The following UGT1A10 variants were observed in gnomAD, a reference collection of about 807,000 sequenced individuals.
The protein encoded by UGT1A10 is UDP glucuronosyltransferase family 1 member A10.
UGT1A10 carries 49 observed loss-of-function variants against 45.8 expected under a neutral mutation model. That is an observed-to-expected ratio of 1.07 (90% CI 0.85 to 1.36). The LOEUF (loss-of-function observed/expected upper bound fraction) is 1.36, where lower values mean the gene tolerates loss of function less well. Ranked by LOEUF, UGT1A10 falls within the 40% of genes most tolerant of loss-of-function variation. The pLI is 0.00. For synonymous variants in UGT1A10, 284 were observed against 249.7 expected (o/e 1.14, Z -1.29); for missense variants, 745 against 668.6 (o/e 1.11, Z -1.26).
At chr2:233,729,373 T>C (rs1160959644) in intron 1 of UGT1A10, 16 of 1,613,988 alleles carry the variant, frequency 9.9e-6, no homozygotes, top group Non-Finnish European at 1.3e-5. Context: ...CTATGCCATT[T>C]CGTGGACCCA....
intron 1 of UGT1A10, among the ~76,000 whole-genome samples, chr2:233,758,412 A>C (rs1428441093): frequency 6.6e-6 from 1 of 152,106 alleles, no homozygotes; most frequent in Non-Finnish European, 1.5e-5. Context: ...TACTGTCTAT[A>C]ATCTGCAAAT....
In UGT1A10 at chr2:233,760,159, C is replaced by A. The variant is rs35071471; in HGVS notation, c.856-6875C>A. The A allele has an allele frequency of 1.9e-5, 29 of 1,504,618 alleles. No individual in the cohort carries two copies. In the East Asian group the frequency reaches 7.0e-4, roughly 36 times the overall value. 93.2% of individuals were successfully genotyped at this position (1,504,618 alleles called of 1,614,324 possible). A position where few individuals can be genotyped will look rare whatever the true frequency, so the allele number is the denominator to read the frequency against. On this transcript the variant is annotated intron_variant, in intron 1 of 4. Coordinates refer to ENST00000344644, the MANE Select transcript of UGT1A10 (RefSeq NM_019075.4). ...TCTCTGAAAGTGAACTCCCTGCTAC[C>A]TTTGTGGACTGACAGCTTTTTATAG...
chr2:233,697,860 A>G (rs1477304653), intron 1 of UGT1A10, among the ~76,000 whole-genome samples: 1 of 152,154 alleles, frequency 6.6e-6, no homozygotes, highest in Non-Finnish European at 1.5e-5. Context: ...AAAGTTATGC[A>G]TTTATTTAAT....
intron 1 of UGT1A10, among the ~76,000 whole-genome samples, chr2:233,737,486 G>A (rs929571204): frequency 1.3e-5 from 2 of 152,176 alleles, no homozygotes; most frequent in African/African-American, 4.8e-5. Context: ...TCTAGGAAAG[G>A]GAAATCCCTC....
At chr2:233,671,917 C>T in intron 1 of UGT1A10, 1 of 1,587,944 alleles carries the variant, frequency 6.3e-7, no homozygotes. Context: ...GCTGCTTGCT[C>T]TCAGCTGCAG....
At chr2:233,643,326 G>T (rs1473492839) in intron 1 of UGT1A10, among the ~76,000 whole-genome samples, 2 of 152,052 alleles carry the variant, frequency 1.3e-5, no homozygotes, top group South Asian at 4.2e-4. Context: ...TCACCTTGTA[G>T]CCACTGCCAC....
chr2:233,636,506 C>T lies in UGT1A10; in HGVS notation c.-17C>T, dbSNP rs761750698. On this transcript the variant is annotated 5_prime_UTR_variant, in exon 1 of 5. Coordinates refer to ENST00000344644, the MANE Select transcript of UGT1A10 (RefSeq NM_019075.4). ...CAGCTTAGAATCCCAGCTGCTGGCTCGGGCTGCAGTTCTCTCATGGCTCGC... is the reference window on the plus strand; with the variant it reads ...CAGCTTAGAATCCCAGCTGCTGGCTTGGGCTGCAGTTCTCTCATGGCTCGC... 3.8e-5 allele frequency: 61 copies of T among 1,602,554 alleles called. 1 individual carries two copies. The highest frequency in any genetic ancestry group is 4.5e-5 in the Non-Finnish European group (53 of 1,173,158).
chr2:233,762,317 G>A (rs1012731348), intron 1 of UGT1A10, among the ~76,000 whole-genome samples: 5 of 152,210 alleles, frequency 3.3e-5, no homozygotes, highest in African/African-American at 1.2e-4. Flanking sequence ...AATGGGTCGA[G>A]AGTAATCCAC....
In UGT1A10 at chr2:233,744,132, C is replaced by G. The variant is rs576185082; in HGVS notation, c.856-22902C>G. The G allele has an allele frequency of 6.1e-4, 215 of 354,750 alleles. 4 individuals are homozygous for G. The highest frequency in any genetic ancestry group is 4.3e-3 in the African/African-American group (200 of 46,340). 22.0% of individuals were successfully genotyped at this position (354,750 alleles called of 1,614,324 possible). A position where few individuals can be genotyped will look rare whatever the true frequency, so the allele number is the denominator to read the frequency against. On this transcript the variant is annotated intron_variant, in intron 1 of 4. Transcript: ENST00000344644. ...CTGCTCTCTGTGAGGCTCTGTGAGGCCCTGTGATGCTCCAAGACCAGGCCC... is the reference window on the plus strand; with the variant it reads ...CTGCTCTCTGTGAGGCTCTGTGAGGGCCTGTGATGCTCCAAGACCAGGCCC...
intron 1 of UGT1A10, among the ~76,000 whole-genome samples, chr2:233,647,023 C>CA (rs1194193810): frequency 1.3e-5 from 2 of 152,112 alleles, no homozygotes; most frequent in Admixed American, 6.5e-5. Flanking sequence ...ACAATCATGG[C>CA]AAAAGTCAAG....
intron 1 of UGT1A10, chr2:233,713,949 T>C: frequency 1.2e-6 from 2 of 1,609,382 alleles, no homozygotes; most frequent in South Asian, 2.2e-5. Flanking sequence ...TATCTACTTA[T>C]CTTTCCAAAG....
At chr2:233,701,918 C>A (rs936190696) in intron 1 of UGT1A10, among the ~76,000 whole-genome samples, 1 of 152,056 alleles carries the variant, frequency 6.6e-6, no homozygotes, top group Non-Finnish European at 1.5e-5. Flanking sequence ...GACACCCTAA[C>A]ATCACAATTA....
At chr2:233,693,566 C>T in intron 1 of UGT1A10, 1 of 1,614,202 alleles carries the variant, frequency 6.2e-7, no homozygotes, top group South Asian at 1.1e-5. Context: ...AAGCCCAGAC[C>T]CTGTGTCCTA....
chr2:233,745,268 C>T (rs755257414), intron 1 of UGT1A10, among the ~76,000 whole-genome samples: 3 of 151,698 alleles, frequency 2.0e-5, no homozygotes, highest in Non-Finnish European at 4.4e-5. Context: ...ACTTGCAGGC[C>T]GTGTGTATAG....
At chr2:233,651,844 C>T in intron 1 of UGT1A10, among the ~76,000 whole-genome samples, 1 of 152,196 alleles carries the variant, frequency 6.6e-6, no homozygotes, top group Non-Finnish European at 1.5e-5. Flanking sequence ...TGCAGTGTCT[C>T]AGATCCTACA....
In UGT1A10 at chr2:233,747,891, C is replaced by T. The variant is rs562741642; in HGVS notation, c.856-19143C>T. 6 of 1,613,060 alleles carry T rather than the reference C, an allele frequency of 3.7e-6. No homozygotes were observed. In the Admixed American group the frequency reaches 5.0e-5, roughly 13 times the overall value. On this transcript the variant is annotated intron_variant, in intron 1 of 4. Coordinates refer to ENST00000344644, the MANE Select transcript of UGT1A10 (RefSeq NM_019075.4). ...GGCCCTGTCCTACCTTTGCCATGCT[C>T]TTTCTGCTCCTTATGCAAGCCTTGC...
At chr2:233,669,712 C>T (rs571170892) in intron 1 of UGT1A10, among the ~76,000 whole-genome samples, 24 of 152,234 alleles carry the variant, frequency 1.6e-4, no homozygotes, top group African/African-American at 5.5e-4. Context: ...GAGACAGAGT[C>T]GTGCTGTTTT....
chr2:233,645,522 A>G (rs1390104841), intron 1 of UGT1A10, among the ~76,000 whole-genome samples: 3 of 152,236 alleles, frequency 2.0e-5, no homozygotes, highest in Non-Finnish European at 4.4e-5. Flanking sequence ...GTTACTTCCT[A>G]GACACAATGA....
intron 1 of UGT1A10, among the ~76,000 whole-genome samples, chr2:233,687,583 TAAA>T (rs71398794): frequency 1.5e-3 from 166 of 107,426 alleles, no homozygotes; most frequent in South Asian, 6.1e-3. Context: ...ACATTCTTTG[TAAA>T]AAAAAAAAAA....
Sources: gnomAD v4.1 joint callset for allele counts (sites outside exome capture counted in the v4.1 genomes callset) on GRCh38, gnomAD v4.1.1 for gene constraint, MANE v1.5 for transcripts, NCBI Gene and HGNC (gene_info 2026-07-23, HGNC 2026-07-21) for gene names.